The following PTPRD variants were observed in gnomAD, a reference collection of about 807,000 sequenced individuals.
The protein encoded by PTPRD is receptor-type tyrosine-protein phosphatase delta.
In PTPRD, 34 loss-of-function variants were observed where a neutral mutation model predicts 214.5. That is an observed-to-expected ratio of 0.16 (90% CI 0.12 to 0.21). The LOEUF (loss-of-function observed/expected upper bound fraction) is 0.21, where lower values mean the gene tolerates loss of function less well. PTPRD is among the 10% of genes least tolerant of loss of function. PTPRD has a pLI of 1.00. For synonymous variants in PTPRD, 1,128 were observed against 845.7 expected, an observed-to-expected ratio of 1.33 and a Z score of -5.79; for missense variants, 2,545 against 2,398.7, an observed-to-expected ratio of 1.06 and a Z score of -1.27.
chr9:9,993,854 A>G (rs770925181), intron 4 of PTPRD, among the ~76,000 whole-genome samples: 3 of 152,226 alleles, frequency 2.0e-5, no homozygotes, highest in Non-Finnish European at 2.9e-5. Flanking sequence ...TAAAAATCAT[A>G]CAGACACAGT....
chr9:9,349,219 A>G (rs1405424816), intron 9 of PTPRD, among the ~76,000 whole-genome samples: 2 of 152,114 alleles, frequency 1.3e-5, no homozygotes, highest in Non-Finnish European at 2.9e-5. Context: ...TAGGTGTTAA[A>G]TTCTGAGCTC....
Position 9,466,888 on chromosome 9 carries a change from C to T in PTPRD, c.-236-69406G>A, listed in dbSNP as rs531855481. 2.0e-5 allele frequency among the ~76,000 whole-genome samples: 3 copies of T among 152,054 alleles called. No individual in the cohort carries two copies. The East Asian group carries it at 5.8e-4, about 29-fold the overall frequency. On this transcript the variant is annotated intron_variant, in intron 8 of 45. Coordinates refer to ENST00000381196, the MANE Select transcript of PTPRD (RefSeq NM_002839.4). The stretch of plus-strand genomic sequence containing the variant: ...TTCTAATCTATACTTTTTGTTCTTG[C>T]ATGTAAGTTTGAGTTAGCTTGTCAA...
chr9:10,392,390 C>G (rs1031234535), intron 2 of PTPRD, among the ~76,000 whole-genome samples: 5 of 151,410 alleles, frequency 3.3e-5, no homozygotes, highest in African/African-American at 1.2e-4. Context: ...TCCCCATTAC[C>G]AAGAATCAAA....
intron 10 of PTPRD, among the ~76,000 whole-genome samples, chr9:9,131,252 G>A (rs1478024661): frequency 6.6e-6 from 1 of 152,076 alleles, no homozygotes; most frequent in East Asian, 1.9e-4. Context: ...CAATTTAACT[G>A]TTTTCTTTCA....
At chr9:10,161,433 A>G (rs1048522670) in intron 3 of PTPRD, among the ~76,000 whole-genome samples, 8 of 151,868 alleles carry the variant, frequency 5.3e-5, no homozygotes, top group African/African-American at 1.2e-4. Flanking sequence ...AAAGGTACCA[A>G]GAACTTACAG....
intron 2 of PTPRD, among the ~76,000 whole-genome samples, chr9:10,429,815 C>T (rs189268129): frequency 9.5e-4 from 144 of 151,896 alleles, no homozygotes; most frequent in Non-Finnish European, 1.7e-3. Flanking sequence ...CTTTTGAATA[C>T]ATCATATTAA....
intron 7 of PTPRD, among the ~76,000 whole-genome samples, chr9:9,620,639 G>T (rs1593248611): frequency 1.3e-5 from 2 of 152,088 alleles, no homozygotes; most frequent in Admixed American, 6.5e-5. Flanking sequence ...CAATTTGAAG[G>T]TTATGACCTA....
At chr9:10,306,836 C>A (rs1258246752) in intron 3 of PTPRD, among the ~76,000 whole-genome samples, 1 of 152,070 alleles carries the variant, frequency 6.6e-6, no homozygotes, top group African/African-American at 2.4e-5. Context: ...ATCTCATTGG[C>A]ATCCTAATTA....
At chr9:9,008,614 T>C (rs187121040) in intron 11 of PTPRD, among the ~76,000 whole-genome samples, 1 of 152,260 alleles carries the variant, frequency 6.6e-6, no homozygotes, top group East Asian at 1.9e-4. Context: ...TTGTACCTAT[T>C]ATGCTGCTGA....
chr9:8,940,662 C>T (rs1458177621), intron 11 of PTPRD, among the ~76,000 whole-genome samples: 1 of 151,842 alleles, frequency 6.6e-6, no homozygotes, highest in Non-Finnish European at 1.5e-5. Context: ...TTTTACCTCC[C>T]ACCTGGGAAC....
intron 4 of PTPRD, among the ~76,000 whole-genome samples, chr9:9,987,798 T>C (rs1270152713): frequency 6.6e-6 from 1 of 152,220 alleles, no homozygotes; most frequent in African/African-American, 2.4e-5. Flanking sequence ...GAATAAATTC[T>C]TTCTTATATG....
intron 11 of PTPRD, among the ~76,000 whole-genome samples, chr9:8,996,479 A>C (rs2099397199): frequency 6.6e-6 from 1 of 152,072 alleles, no homozygotes; most frequent in Non-Finnish European, 1.5e-5. Context: ...GGAGAAAGGC[A>C]TTGACTGCAA....
chr9:8,444,654 G>C (rs1421944064), intron 34 of PTPRD, among the ~76,000 whole-genome samples: 1 of 152,082 alleles, frequency 6.6e-6, no homozygotes, highest in Non-Finnish European at 1.5e-5. Context: ...CAAAATTAAA[G>C]AGTAACATAA....
At chr9:9,191,899 T>C (rs2099935428) in intron 9 of PTPRD, among the ~76,000 whole-genome samples, 1 of 152,138 alleles carries the variant, frequency 6.6e-6, no homozygotes, top group Admixed American at 6.6e-5. Flanking sequence ...TCTTTGATTT[T>C]TGCAAACAAC....
intron 2 of PTPRD, among the ~76,000 whole-genome samples, chr9:10,366,908 G>C (rs1241659695): frequency 6.6e-6 from 1 of 152,086 alleles, no homozygotes; most frequent in Non-Finnish European, 1.5e-5. Flanking sequence ...TTTTTGAAAA[G>C]AACACCAGGA....
At chr9:8,940,563 G>T (rs1293299427) in intron 11 of PTPRD, among the ~76,000 whole-genome samples, 1 of 149,738 alleles carries the variant, frequency 6.7e-6, no homozygotes, top group Non-Finnish European at 1.5e-5. Context: ...CAAAGTACTG[G>T]GATTACAGGT....
chr9:8,397,811 T>C (rs1376002526), intron 36 of PTPRD, among the ~76,000 whole-genome samples: 1 of 152,208 alleles, frequency 6.6e-6, no homozygotes, highest in Non-Finnish European at 1.5e-5. Flanking sequence ...ATCTTAAAGG[T>C]GCTAAATTGC....
intron 3 of PTPRD, among the ~76,000 whole-genome samples, chr9:10,057,579 C>T (rs1278681688): frequency 6.6e-6 from 1 of 152,110 alleles, no homozygotes; most frequent in Admixed American, 6.6e-5. Context: ...AGTAGTGTGG[C>T]TCACGCCTGT....
chr9:10,335,968 G>A (rs1349822794), intron 3 of PTPRD, among the ~76,000 whole-genome samples: 1 of 151,738 alleles, frequency 6.6e-6, no homozygotes, highest in African/African-American at 2.4e-5. Flanking sequence ...TGGAACAACA[G>A]GAACACTCAT....
Sources: allele counts gnomAD v4.1 joint callset (sites outside exome capture counted in the v4.1 genomes callset), GRCh38; gene constraint gnomAD v4.1.1; transcripts MANE v1.5; gene names NCBI Gene and HGNC (gene_info 2026-07-23, HGNC 2026-07-21).